The following EXOC1 variants were observed in gnomAD, a reference collection of about 807,000 sequenced individuals.
The protein encoded by EXOC1 is exocyst complex component 1.
In EXOC1, 67 loss-of-function variants were observed where a neutral mutation model predicts 107.7. The ratio of observed to expected loss-of-function variants is 0.62; its 90% confidence interval spans 0.51 to 0.76. The LOEUF (loss-of-function observed/expected upper bound fraction) is 0.76, where lower values mean the gene tolerates loss of function less well. EXOC1 is among the 30% of genes least tolerant of loss of function. EXOC1 has a pLI of 0.00. For missense variants in EXOC1, 833 were observed against 1,055.7 expected (o/e 0.79, Z 2.92); for synonymous variants, 348 against 353.5 (o/e 0.98, Z 0.17).
chr4:55,876,714 T>A, intron 8 of EXOC1: 2 of 985,432 alleles, frequency 2.0e-6, no homozygotes, highest in Non-Finnish European at 2.4e-6. Context: ...CTAGTTCAGT[T>A]TCCCAAGTTA....
intron 12 of EXOC1, among the ~76,000 whole-genome samples, chr4:55,890,762 C>T (rs1278934970): frequency 1.3e-5 from 2 of 152,120 alleles, no homozygotes; most frequent in Non-Finnish European, 2.9e-5. Flanking sequence ...TGGAGTCTTG[C>T]TCTGTCACCC....
At chr4:55,867,581 T>A (rs1175435402) in intron 4 of EXOC1, among the ~76,000 whole-genome samples, 15 of 144,694 alleles carry the variant, frequency 1.0e-4, no homozygotes, top group African/African-American at 2.8e-4. Context: ...AAAAAAAAAA[T>A]GAACTGAAAC....
intron 13 of EXOC1, among the ~76,000 whole-genome samples, chr4:55,892,203 T>A (rs1238802313): frequency 7.1e-6 from 1 of 140,364 alleles, no homozygotes; most frequent in Non-Finnish European, 1.6e-5. Flanking sequence ...TCTGTAAGAA[T>A]TTTTTATAGC....
intron 8 of EXOC1, chr4:55,875,481 A>G (rs1722813897): frequency 1.0e-6 from 1 of 980,020 alleles, no homozygotes; most frequent in Non-Finnish European, 1.2e-6. Flanking sequence ...TCACTATAGC[A>G]AAGTGCTTAA....
At chr4:55,881,540 A>C (rs1002784960) in intron 9 of EXOC1, among the ~76,000 whole-genome samples, 1 of 152,068 alleles carries the variant, frequency 6.6e-6, no homozygotes, top group African/African-American at 2.4e-5. Flanking sequence ...CCTTGGTTTT[A>C]TACATTTTAG....
At chr4:55,878,368 A>G (rs1723087368) in intron 9 of EXOC1, among the ~76,000 whole-genome samples, 1 of 152,208 alleles carries the variant, frequency 6.6e-6, no homozygotes, top group African/African-American at 2.4e-5. Flanking sequence ...AGGAAGTATG[A>G]GCATTGCAAG....
chr4:55,857,026 A>G (rs1045740936), intron 1 of EXOC1, among the ~76,000 whole-genome samples: 8 of 152,178 alleles, frequency 5.3e-5, no homozygotes, highest in South Asian at 2.1e-4. Flanking sequence ...TTCTGTATCT[A>G]TGGATTTTCC....
chr4:55,858,769 C>T (rs751220585), intron 2 of EXOC1, among the ~76,000 whole-genome samples: 13 of 152,072 alleles, frequency 8.5e-5, no homozygotes, highest in Admixed American at 2.0e-4. Flanking sequence ...TGTTGTGTTG[C>T]TTGTCCTTTT....
At chr4:55,860,565 C>G in intron 3 of EXOC1, 24 bp downstream of exon 3, 1 of 1,612,108 alleles carries the variant, frequency 6.2e-7, no homozygotes, top group Non-Finnish European at 8.5e-7. Context: ...AGTTCTTTGA[C>G]CTGTGTTCAG....
At chr4:55,870,055 G>A (rs771145488) in intron 5 of EXOC1, among the ~76,000 whole-genome samples, 1 of 151,336 alleles carries the variant, frequency 6.6e-6, no homozygotes. Flanking sequence ...CTTTGCCTGG[G>A]GAAGAAAAAA....
chr4:55,864,152 G>A (rs1163381833), intron 3 of EXOC1, 75 bp from the exon 4 acceptor site: 3 of 954,008 alleles, frequency 3.1e-6, no homozygotes, highest in Middle Eastern at 3.4e-4. Flanking sequence ...CAGCGTAAAT[G>A]CCTATGCAGA....
intron 8 of EXOC1, chr4:55,877,022 C>T (rs561133588): frequency 1.0e-6 from 1 of 985,028 alleles, no homozygotes; most frequent in Non-Finnish European, 1.2e-6. Context: ...TCTGAATAGT[C>T]TGTATTTAAA....
At chr4:55,871,062 A>G (rs995497930) in intron 6 of EXOC1, 39 bp from the exon 7 acceptor site, 48 of 1,601,344 alleles carry the variant, frequency 3.0e-5, no homozygotes, top group Non-Finnish European at 3.8e-5. Context: ...AAATTTCCCA[A>G]AATTACACAT....
chr4:55,870,632 G>GTTTT (rs765286057), intron 5 of EXOC1, 46 bp from the exon 6 acceptor site: 1 of 1,391,252 alleles, frequency 7.2e-7, no homozygotes. Context: ...TATGTTTTTT[G>GTTTT]TTTGTTTGTT....
chr4:55,862,363 A>G (rs1025573085), intron 3 of EXOC1, among the ~76,000 whole-genome samples: 1 of 151,636 alleles, frequency 6.6e-6, no homozygotes, highest in Non-Finnish European at 1.5e-5. Flanking sequence ...TGTGTATGCT[A>G]TATATGGATA....
rs528051366 is a variant in EXOC1, at chr4:55,895,047, C to T, written c.1953+1267C>T. On this transcript the variant is annotated intron_variant, in intron 15 of 18. Coordinates refer to ENST00000381295, the MANE Select transcript of EXOC1 (RefSeq NM_001024924.2). ...AGACAAAGATATAAATTCATATTTTCTCATAAGTTGCATATATATATATAA... is the reference window on the plus strand; with the variant it reads ...AGACAAAGATATAAATTCATATTTTTTCATAAGTTGCATATATATATATAA... Among the ~76,000 whole-genome samples, 3 of 152,286 alleles carry T rather than the reference C, an allele frequency of 2.0e-5. No individual in the cohort carries two copies. The East Asian group carries it at 5.8e-4, about 29-fold the overall frequency.
intron 10 of EXOC1, 104 bp downstream of exon 10, chr4:55,884,032 A>G: frequency 1.3e-6 from 1 of 788,732 alleles, no homozygotes; most frequent in Non-Finnish European, 2.0e-6. Context: ...GATCCAGCAG[A>G]ATTTATGAAA....
At chr4:55,896,211 G>A (rs1349451159) in intron 15 of EXOC1, among the ~76,000 whole-genome samples, 2 of 152,034 alleles carry the variant, frequency 1.3e-5, no homozygotes, top group Non-Finnish European at 2.9e-5. Context: ...GTGCAGTGGC[G>A]CAATCTTGGC....
At chr4:55,867,646 C>A (rs559132482) in intron 4 of EXOC1, among the ~76,000 whole-genome samples, 1 of 151,606 alleles carries the variant, frequency 6.6e-6, no homozygotes, top group East Asian at 1.9e-4. Context: ...AAGCATGAAG[C>A]CTGTTTAACT....
Sources: allele counts gnomAD v4.1 joint callset (sites outside exome capture counted in the v4.1 genomes callset), GRCh38; gene constraint gnomAD v4.1.1; transcripts MANE v1.5; gene names NCBI Gene and HGNC (gene_info 2026-07-23, HGNC 2026-07-21).